R3HDM2: variants seen among roughly 807,000 people sequenced by gnomAD.
R3HDM2 encodes the protein R3H domain containing 2, also known as R3H domain-containing protein 2.
Under a neutral mutation model 124.5 loss-of-function variants are expected in R3HDM2, and 38 were observed. The observed-to-expected ratio is 0.31, with a 90% CI of 0.24 to 0.40. R3HDM2 has a LOEUF of 0.40. Ranked by LOEUF, R3HDM2 falls within the 10% of genes least tolerant of loss-of-function variation. The pLI is 1.00. For missense variants in R3HDM2, 869 were observed against 1,236.9 expected (o/e 0.70, Z 4.46); for synonymous variants, 391 against 448.0 (o/e 0.87, Z 1.61).
chr12:57,380,814 G>A (rs1229586387), intron 2 of R3HDM2, among the ~76,000 whole-genome samples: 5 of 151,812 alleles, frequency 3.3e-5, no homozygotes, highest in South Asian at 2.1e-4. Flanking sequence ...TATCAAGACC[G>A]AAACTACAAT....
At chr12:57,330,848 G>A (rs1364780923) in intron 2 of R3HDM2, among the ~76,000 whole-genome samples, 4 of 150,730 alleles carry the variant, frequency 2.7e-5, no homozygotes, top group East Asian at 2.0e-4. Context: ...ACAGGCACCC[G>A]CCACCACGCC....
intron 2 of R3HDM2, among the ~76,000 whole-genome samples, chr12:57,330,349 C>T (rs974241187): frequency 2.1e-5 from 3 of 144,116 alleles, no homozygotes; most frequent in Non-Finnish European, 4.6e-5. Flanking sequence ...TGCATTTATT[C>T]TTTTTTTTTT....
At chr12:57,292,720 C>T in intron 10 of R3HDM2, 53 bp from the exon 11 acceptor site, 1 of 1,111,172 alleles carries the variant, frequency 9.0e-7, no homozygotes, top group Non-Finnish European at 1.3e-6. Context: ...ACTGCAAGCT[C>T]ACTGCACACC....
At chr12:57,410,636 T>C (rs2068925480) in intron 1 of R3HDM2, among the ~76,000 whole-genome samples, 1 of 152,186 alleles carries the variant, frequency 6.6e-6, no homozygotes, top group Non-Finnish European at 1.5e-5. Flanking sequence ...GAAGATCGCC[T>C]GAGGCCAGGA....
intron 2 of R3HDM2, among the ~76,000 whole-genome samples, chr12:57,382,482 A>G (rs1028743837): frequency 2.0e-5 from 3 of 149,650 alleles, no homozygotes; most frequent in Non-Finnish European, 4.4e-5. Flanking sequence ...CCTGACCTCA[A>G]GTAATCTGCC....
chr12:57,420,612 C>T (rs1172810411), intron 1 of R3HDM2, among the ~76,000 whole-genome samples: 2 of 151,796 alleles, frequency 1.3e-5, no homozygotes, highest in South Asian at 2.1e-4. Flanking sequence ...CTCGCCTAGG[C>T]CCATAGTATT....
At chr12:57,404,353 C>T (rs1419318255) in intron 1 of R3HDM2, among the ~76,000 whole-genome samples, 4 of 150,756 alleles carry the variant, frequency 2.7e-5, no homozygotes, top group African/African-American at 7.3e-5. Context: ...CGTGAGCCAC[C>T]GCGCCTGGCC....
intron 2 of R3HDM2, among the ~76,000 whole-genome samples, chr12:57,347,602 G>A (rs1194313996): frequency 6.6e-6 from 1 of 152,112 alleles, no homozygotes; most frequent in Non-Finnish European, 1.5e-5. Context: ...CCAGTTAAAA[G>A]ACAGAGATTG....
At chr12:57,376,228 C>G (rs1167951185) in intron 2 of R3HDM2, among the ~76,000 whole-genome samples, 1 of 152,258 alleles carries the variant, frequency 6.6e-6, no homozygotes, top group South Asian at 2.1e-4. Flanking sequence ...AAGAGCCTTA[C>G]TCGACTACTC....
intron 2 of R3HDM2, among the ~76,000 whole-genome samples, chr12:57,393,058 C>T (rs1475596575): frequency 6.6e-6 from 1 of 151,760 alleles, no homozygotes; most frequent in Admixed American, 6.6e-5. Context: ...CCCGCCTTGG[C>T]CTCCCAGAGT....
At chr12:57,417,917 G>A (rs2069807733) in intron 1 of R3HDM2, among the ~76,000 whole-genome samples, 1 of 152,222 alleles carries the variant, frequency 6.6e-6, no homozygotes, top group African/African-American at 2.4e-5. Flanking sequence ...TAAAATTCTG[G>A]TATTTCCTGG....
At chr12:57,345,270 T>C (rs1441925709) in intron 2 of R3HDM2, among the ~76,000 whole-genome samples, 1 of 151,514 alleles carries the variant, frequency 6.6e-6, no homozygotes, top group Non-Finnish European at 1.5e-5. Context: ...CTGAAAGAAA[T>C]AATGGAAGCA....
At chr12:57,390,999 C>A (rs1210516959) in intron 2 of R3HDM2, among the ~76,000 whole-genome samples, 1 of 142,788 alleles carries the variant, frequency 7.0e-6, no homozygotes. Flanking sequence ...GCAACAACAA[C>A]AAAACTCCGT....
chr12:57,306,170 T>C (rs2052525340), intron 3 of R3HDM2, among the ~76,000 whole-genome samples: 1 of 152,170 alleles, frequency 6.6e-6, no homozygotes. Context: ...AGGAATCAGA[T>C]AATGCTGATG....
chr12:57,389,681 A>G (rs1007759177), intron 2 of R3HDM2, among the ~76,000 whole-genome samples: 23 of 152,336 alleles, frequency 1.5e-4, no homozygotes, highest in African/African-American at 5.5e-4. Context: ...TAATTGGTCA[A>G]CCTACCCTTT....
At chr12:57,384,088 G>A (rs1011253316) in intron 2 of R3HDM2, among the ~76,000 whole-genome samples, 1 of 152,062 alleles carries the variant, frequency 6.6e-6, no homozygotes, top group Non-Finnish European at 1.5e-5. Context: ...CAGGCCGGGC[G>A]CAGTGGCTCA....
chr12:57,330,092 G>A (rs547439735), intron 2 of R3HDM2, among the ~76,000 whole-genome samples: 2 of 152,006 alleles, frequency 1.3e-5, no homozygotes, highest in African/African-American at 2.4e-5. Context: ...TCAGCCTCCC[G>A]AGTAGCTGGG....
intron 2 of R3HDM2, among the ~76,000 whole-genome samples, chr12:57,330,753 C>G (rs1298972044): frequency 7.7e-6 from 1 of 129,120 alleles, no homozygotes; most frequent in Non-Finnish European, 1.5e-5. Context: ...GGCTGGAGTG[C>G]AGTGGCGCAA....
At chr12:57,394,823 T>C (rs907453411) in intron 2 of R3HDM2, among the ~76,000 whole-genome samples, 1 of 152,214 alleles carries the variant, frequency 6.6e-6, no homozygotes, top group Non-Finnish European at 1.5e-5. Context: ...TAATCACCTC[T>C]TAAGAAAGAA....
Sources: allele counts gnomAD v4.1 joint callset (sites outside exome capture counted in the v4.1 genomes callset), GRCh38; gene constraint gnomAD v4.1.1; transcripts MANE v1.5; gene names NCBI Gene and HGNC (gene_info 2026-07-23, HGNC 2026-07-21).